The following GBF1 variants were observed in gnomAD, a reference collection of about 807,000 sequenced individuals.
GBF1 encodes the protein Golgi-specific brefeldin A-resistance guanine nucleotide exchange factor 1.
In GBF1, 114 loss-of-function variants were observed where a neutral mutation model predicts 210.5. That is an observed-to-expected ratio of 0.54 (90% CI 0.47 to 0.63). The LOEUF is 0.63. GBF1 is among the 30% of genes least tolerant of loss of function. The pLI is 0.00. For missense variants in GBF1, 1,851 were observed against 2,357.7 expected (o/e 0.79, Z 4.45); for synonymous variants, 850 against 889.2 (o/e 0.96, Z 0.78).
At chr10:102,262,827 A>G (rs1008648516) in intron 3 of GBF1, among the ~76,000 whole-genome samples, 1 of 152,248 alleles carries the variant, frequency 6.6e-6, no homozygotes, top group Non-Finnish European at 1.5e-5. Flanking sequence ...TCCTTGGGTC[A>G]GAAATCCAGC....
intron 3 of GBF1, among the ~76,000 whole-genome samples, chr10:102,266,021 A>G (rs187513201): frequency 0.01 from 1,563 of 152,248 alleles, 23 homozygotes; most frequent in African/African-American, 0.036. Context: ...GCAGATCACG[A>G]GGTCAGGAGA....
chr10:102,315,658 A>C (rs2078866387), intron 3 of GBF1, among the ~76,000 whole-genome samples: 1 of 152,096 alleles, frequency 6.6e-6, no homozygotes, highest in African/African-American at 2.4e-5. Context: ...TCCTATGAAA[A>C]TCTAATGTCG....
At chr10:102,254,435 A>G (rs1426851052) in intron 1 of GBF1, among the ~76,000 whole-genome samples, 1 of 152,224 alleles carries the variant, frequency 6.6e-6, no homozygotes, top group East Asian at 1.9e-4. Context: ...TTTGCTTTTC[A>G]TATTTAAATA....
At chr10:102,310,513 A>G (rs1160586853) in intron 3 of GBF1, among the ~76,000 whole-genome samples, 1 of 152,186 alleles carries the variant, frequency 6.6e-6, no homozygotes, top group Non-Finnish European at 1.5e-5. Context: ...CTGCACGCAC[A>G]TTTGTATTCT....
Position 102,369,383 on chromosome 10 carries a change from T to C in GBF1, c.3146T>C (p.Ile1049Thr), listed in dbSNP as rs755437082. 3.7e-6 allele frequency: 6 copies of C among 1,610,398 alleles called. No homozygotes were observed. The East Asian group carries it at 1.1e-4, about 30-fold the overall frequency. Residue 1049 changes from isoleucine (I) to threonine (T), a missense_variant, in exon 24 of 40, where the codon ATA (isoleucine) becomes ACA (threonine). Physicochemically the swap from Ile to Thr is moderately conservative, Grantham distance 89. Around this residue, in one of 3 missense-constraint regions of GBF1, gnomAD observed 967 missense variants for 1,247.7 expected, o/e 0.78. Coordinates refer to ENST00000369983, the MANE Select transcript of GBF1 (RefSeq NM_001377137.1). The stretch of plus-strand genomic sequence containing the variant: ...GCCCAACTACTGCCCAAGGCTATGA[T>C]AGAGGTAATTCTTAGTAGGAGACTA... ...FRAQLLPKAMIEVEDFVDPNG... is the reference protein window; with the variant it reads ...FRAQLLPKAMTEVEDFVDPNG...
intron 3 of GBF1, among the ~76,000 whole-genome samples, chr10:102,272,124 T>TA (rs911219953): frequency 6.6e-6 from 1 of 151,814 alleles, no homozygotes. Flanking sequence ...TTTTTTTTTT[T>TA]TAGACGGAGT....
intron 3 of GBF1, among the ~76,000 whole-genome samples, chr10:102,338,666 G>T (rs1178269217): frequency 6.6e-6 from 1 of 152,050 alleles, no homozygotes; most frequent in Non-Finnish European, 1.5e-5. Context: ...CAGAGCCTCG[G>T]CTGGGTGCGG....
At chr10:102,375,805 C>T (rs939136168) in intron 30 of GBF1, among the ~76,000 whole-genome samples, 8 of 152,094 alleles carry the variant, frequency 5.3e-5, no homozygotes, top group African/African-American at 1.4e-4. Flanking sequence ...AGGCTTCCTA[C>T]TGTCCTGAGG....
At chr10:102,351,427 G>A in intron 5 of GBF1, 53 bp downstream of exon 5, 1 of 957,766 alleles carries the variant, frequency 1.0e-6, no homozygotes, top group Non-Finnish European at 1.7e-6. Flanking sequence ...TGGTGCCGCA[G>A]ACTCTACTTA....
chr10:102,344,259 T>A, intron 4 of GBF1, 77 bp downstream of exon 4: 1 of 1,373,110 alleles, frequency 7.3e-7, no homozygotes, highest in Non-Finnish European at 1.0e-6. Flanking sequence ...CCTTAGGCAA[T>A]GAGCTGGTGA....
rs2057277843 is a variant in GBF1 at position 102,330,734 on chromosome 10, T to C, written c.164-13317T>C. ...ATATAATGTAGCTGTTGCTGATGTC[T>C]GAGGCAAATTAAGGTTGTTGTTCTG... On this transcript the variant is annotated intron_variant, in intron 3 of 39. Coordinates refer to ENST00000369983, the MANE Select transcript of GBF1 (RefSeq NM_001377137.1). 5.3e-5 allele frequency among the ~76,000 whole-genome samples: 8 copies of C among 152,090 alleles called. No individual in the cohort carries two copies. The South Asian group carries it at 1.7e-3, about 32-fold the overall frequency.
Position 102,379,594 on chromosome 10 carries a change from A to C in GBF1, c.4719A>C (p.Leu1573=). 1 of 1,614,032 alleles carries C rather than the reference A, an allele frequency of 6.2e-7. No individual in the cohort carries two copies. Among genetic ancestry groups the C allele is most frequent in the Non-Finnish European group, 8.5e-7 (1 of 1,179,962 alleles). Residue 1573 remains leucine, a synonymous_variant, in exon 35 of 40, where the codon CTA becomes CTC. Transcript: ENST00000369983. Reference sequence around the variant, plus strand: ...CACTGACCTATCTGCAGCGAGCACTACTTGTACATGATCTGCAAAAGCTAG... The same window carrying C: ...CACTGACCTATCTGCAGCGAGCACTCCTTGTACATGATCTGCAAAAGCTAG... The part of the protein sequence containing the change: ...MQALTYLQRA[L]LVHDLQKLDA...
At chr10:102,360,143 T>C (rs375393806) in intron 11 of GBF1, 41 bp from the exon 12 acceptor site, 29 of 1,274,000 alleles carry the variant, frequency 2.3e-5, no homozygotes, top group Non-Finnish European at 3.0e-5. Context: ...AGCAGACTAG[T>C]TGTTTTATAG....
At chr10:102,263,308 G>C (rs1435479942) in intron 3 of GBF1, among the ~76,000 whole-genome samples, 1 of 152,198 alleles carries the variant, frequency 6.6e-6, no homozygotes, top group African/African-American at 2.4e-5. Context: ...AACTTGGAGA[G>C]AAAACTGAAG....
At chr10:102,260,473 C>CTTTTTTG in intron 3 of GBF1, among the ~76,000 whole-genome samples, 1 of 74,794 alleles carries the variant, frequency 1.3e-5, no homozygotes, top group Non-Finnish European at 2.3e-5. Context: ...ATTTTCCTTT[C>CTTTTTTG]TTCTTTTTTT....
intron 4 of GBF1, among the ~76,000 whole-genome samples, chr10:102,345,141 G>C (rs969908503): frequency 6.6e-6 from 1 of 151,784 alleles, no homozygotes; most frequent in South Asian, 2.1e-4. Flanking sequence ...TATTAGCCAG[G>C]CGTGGTGGCG....
intron 3 of GBF1, among the ~76,000 whole-genome samples, chr10:102,329,410 A>G: frequency 6.6e-6 from 1 of 152,134 alleles, no homozygotes; most frequent in Non-Finnish European, 1.5e-5. Flanking sequence ...TGGTTAGGAG[A>G]AGGAGAGGTG....
chr10:102,363,246 C>G lies in GBF1; in HGVS notation c.1877-10C>G, dbSNP rs749013291. The G allele has an allele frequency of 2.5e-6, 4 of 1,608,828 alleles. No individual in the cohort carries two copies. The Admixed American group carries it at 5.0e-5, about 20-fold the overall frequency. Reference sequence around the variant, plus strand: ...TATAAGTCTTCACGTATCTTCTTCTCTCTTACCAGCTGAGAGAACTGCCAG... The same window carrying G: ...TATAAGTCTTCACGTATCTTCTTCTGTCTTACCAGCTGAGAGAACTGCCAG... On this transcript the variant is annotated splice_polypyrimidine_tract_variant and intron_variant, in intron 15 of 39. Coordinates refer to ENST00000369983, the MANE Select transcript of GBF1 (RefSeq NM_001377137.1). The surrounding 1 kb of genome is among the most constrained non-coding windows in gnomAD (Gnocchi z 4.2).
chr10:102,285,675 T>A (rs889732558), intron 3 of GBF1, among the ~76,000 whole-genome samples: 2 of 152,206 alleles, frequency 1.3e-5, no homozygotes, highest in African/African-American at 4.8e-5. Flanking sequence ...AGTTTGTTTT[T>A]CTTTTGTGAA....
Sources: allele counts gnomAD v4.1 joint callset (sites outside exome capture counted in the v4.1 genomes callset), GRCh38; gene constraint gnomAD v4.1.1; regional missense constraint gnomAD v4.1.1; non-coding constraint Gnocchi (gnomAD v3.1); transcripts MANE v1.5; gene names NCBI Gene and HGNC (gene_info 2026-07-23, HGNC 2026-07-21).